The following LRTM1 variants were observed in gnomAD, a reference collection of about 807,000 sequenced individuals.
LRTM1 encodes the protein leucine-rich repeat and transmembrane domain-containing protein 1.
LRTM1 carries 38 observed loss-of-function variants against 32.4 expected under a neutral mutation model. The ratio of observed to expected loss-of-function variants is 1.17; its 90% confidence interval spans 0.91 to 1.54. LRTM1 has a LOEUF of 1.54. Ranked by LOEUF, LRTM1 falls within the 40% of genes most tolerant of loss-of-function variation. The pLI is 0.00. For missense variants in LRTM1, 466 were observed against 415.4 expected (o/e 1.12, Z -1.06); for synonymous variants, 186 against 169.9 (o/e 1.09, Z -0.74).
At chr3:54,938,914 G>C (rs552151495) in intron 1 of LRTM1, among the ~76,000 whole-genome samples, 2 of 152,230 alleles carry the variant, frequency 1.3e-5, no homozygotes, top group South Asian at 4.1e-4. Flanking sequence ...CGCTGAAGCT[G>C]TCCCAGGAGA....
chr3:54,947,538 A>C (rs2107005219), intron 1 of LRTM1, among the ~76,000 whole-genome samples: 1 of 152,294 alleles, frequency 6.6e-6, no homozygotes, highest in African/African-American at 2.4e-5. Flanking sequence ...GTGGGTTAGC[A>C]GCATATATCC....
chr3:54,964,466 C>G (rs904807887), intron 1 of LRTM1, among the ~76,000 whole-genome samples: 2 of 151,856 alleles, frequency 1.3e-5, no homozygotes, highest in African/African-American at 4.8e-5. Flanking sequence ...CATTTGCTGT[C>G]TTTGTTTTCC....
chr3:54,931,102 A>G (rs1388353517), upstream of LRTM1, among the ~76,000 whole-genome samples: 2 of 152,076 alleles, frequency 1.3e-5, no homozygotes, highest in Non-Finnish European at 1.5e-5. Flanking sequence ...TCTCAAAACA[A>G]AACAAAAAAC....
At chr3:54,964,796 G>T (rs1368480669) in intron 1 of LRTM1, among the ~76,000 whole-genome samples, 1 of 151,582 alleles carries the variant, frequency 6.6e-6, no homozygotes, top group Admixed American at 6.6e-5. Context: ...TTGCTTGTTT[G>T]TTGGGGGAGA....
chr3:54,946,622 T>C (rs1701620715), intron 1 of LRTM1, among the ~76,000 whole-genome samples: 1 of 152,132 alleles, frequency 6.6e-6, no homozygotes, highest in Non-Finnish European at 1.5e-5. Flanking sequence ...TGCCAAATAA[T>C]GACAGGAGAG....
At chr3:54,962,037 C>T (rs1029726537) in intron 1 of LRTM1, among the ~76,000 whole-genome samples, 4 of 149,394 alleles carry the variant, frequency 2.7e-5, no homozygotes, top group Non-Finnish European at 4.5e-5. Flanking sequence ...TCCACCAGTC[C>T]CACTCTCATG....
chr3:54,939,910 C>T (rs1176374064), intron 1 of LRTM1, among the ~76,000 whole-genome samples: 2 of 152,198 alleles, frequency 1.3e-5, no homozygotes, highest in African/African-American at 4.8e-5. Flanking sequence ...AGAGCATGCC[C>T]TGGAAGAAAG....
At chr3:54,927,226 A>G (rs1226551095) in intron 1 of LRTM1, among the ~76,000 whole-genome samples, 1 of 152,156 alleles carries the variant, frequency 6.6e-6, no homozygotes, top group South Asian at 2.1e-4. Flanking sequence ...TTCTCTACTG[A>G]GGCTAACAGT....
At chr3:54,943,223 A>G (rs1191680340) in intron 1 of LRTM1, among the ~76,000 whole-genome samples, 5 of 151,606 alleles carry the variant, frequency 3.3e-5, no homozygotes, top group African/African-American at 1.2e-4. Flanking sequence ...AAAAATGAGA[A>G]TAATAACAAT....
intron 1 of LRTM1, among the ~76,000 whole-genome samples, chr3:54,944,129 A>T (rs1001042299): frequency 5.9e-5 from 9 of 152,118 alleles, no homozygotes; most frequent in Admixed American, 1.3e-4. Context: ...ATCCTTTGGT[A>T]GGAACAGGAT....
chr3:54,965,520 C>T (rs1408650108), intron 1 of LRTM1, among the ~76,000 whole-genome samples: 1 of 152,168 alleles, frequency 6.6e-6, no homozygotes, highest in African/African-American at 2.4e-5. Flanking sequence ...GTTCTTTATG[C>T]CTCTAGTGTA....
chr3:54,962,896 C>T (rs1702065564), intron 1 of LRTM1, among the ~76,000 whole-genome samples: 2 of 152,066 alleles, frequency 1.3e-5, no homozygotes, highest in African/African-American at 4.8e-5. Flanking sequence ...AGGCCAACCC[C>T]ACAGGAAATT....
intron 1 of LRTM1, among the ~76,000 whole-genome samples, chr3:54,946,487 A>G (rs1701617738): frequency 6.6e-6 from 1 of 152,122 alleles, no homozygotes; most frequent in African/African-American, 2.4e-5. Context: ...AAATGAAAGG[A>G]GGGGGGATGT....
intron 1 of LRTM1, among the ~76,000 whole-genome samples, chr3:54,950,609 G>A (rs1308684417): frequency 6.6e-6 from 1 of 152,212 alleles, no homozygotes; most frequent in Non-Finnish European, 1.5e-5. Flanking sequence ...GCCAACAGGA[G>A]AGTGGACCTG....
Position 54,918,364 on chromosome 3 carries a change from G to A in LRTM1, c.*95C>T. ...TTTTTTTTTTTTTTTTTGTCTTTTG[G>A]CAAAAGCAAAATCAGACTAACAGGA... On this transcript the variant is annotated 3_prime_UTR_variant, in exon 3 of 3. Transcript: ENST00000273286. 5.6e-6 allele frequency: 2 copies of A among 353,994 alleles called. No individual in the cohort carries two copies. Among genetic ancestry groups the A allele is most frequent in the Non-Finnish European group, 8.3e-6 (2 of 241,242 alleles). The allele number at this position is 353,994 out of a possible 1,614,324, so 21.9% of individuals were successfully genotyped here.
At chr3:54,922,574 C>G (rs897376248) in intron 2 of LRTM1, among the ~76,000 whole-genome samples, 1 of 152,064 alleles carries the variant, frequency 6.6e-6, no homozygotes, top group Non-Finnish European at 1.5e-5. Flanking sequence ...AGGATTTATT[C>G]AATATCGTAC....
chr3:54,932,676 G>A (rs1191598152), upstream of LRTM1, among the ~76,000 whole-genome samples: 3 of 152,148 alleles, frequency 2.0e-5, no homozygotes, highest in African/African-American at 7.2e-5. Flanking sequence ...GGGTCTCTAC[G>A]TGTGATGAGC....
intron 1 of LRTM1, 102 bp downstream of exon 1, chr3:54,927,803 G>A: frequency 7.8e-7 from 1 of 1,275,810 alleles, no homozygotes; most frequent in Non-Finnish European, 1.1e-6. Context: ...AGTCTTTTAA[G>A]ACAGACGACT....
intron 1 of LRTM1, among the ~76,000 whole-genome samples, chr3:54,943,956 C>T (rs1341645649): frequency 1.3e-5 from 2 of 152,198 alleles, no homozygotes; most frequent in Non-Finnish European, 2.9e-5. Flanking sequence ...TTTCCTCCGA[C>T]CTTGTAGCTC....
Sources: allele counts gnomAD v4.1 joint callset (sites outside exome capture counted in the v4.1 genomes callset), GRCh38; gene constraint gnomAD v4.1.1; transcripts MANE v1.5; gene names NCBI Gene and HGNC (gene_info 2026-07-23, HGNC 2026-07-21).